Variants in GPR158 observed in about 807,000 individuals in gnomAD.
GPR158 encodes the protein metabotropic glycine receptor.
Under a neutral mutation model 78.2 loss-of-function variants are expected in GPR158, and 30 were observed. The observed-to-expected ratio is 0.38, with a 90% confidence interval of 0.29 to 0.52. The LOEUF is 0.52. Among genes scored for constraint, GPR158 ranks in the 20% least tolerant of loss-of-function variants. GPR158 has a pLI of 0.83. For missense variants in GPR158, 1,463 were observed against 1,523.5 expected (o/e 0.96, Z 0.66); for synonymous variants, 581 against 591.1 (o/e 0.98, Z 0.25).
chr10:25,517,109 A>T (rs1445273074), intron 5 of GPR158, among the ~76,000 whole-genome samples: 1 of 148,478 alleles, frequency 6.7e-6, no homozygotes, highest in Admixed American at 6.6e-5. Flanking sequence ...TTGGATTCCT[A>T]GGTATTTTAT....
intron 5 of GPR158, among the ~76,000 whole-genome samples, chr10:25,492,605 A>G (rs944247161): frequency 3.9e-5 from 6 of 152,264 alleles, no homozygotes; most frequent in African/African-American, 1.4e-4. Flanking sequence ...GGATCAAAAC[A>G]TTACAGAATT....
At chr10:25,456,515 A>G (rs1835293555) in intron 4 of GPR158, among the ~76,000 whole-genome samples, 1 of 152,208 alleles carries the variant, frequency 6.6e-6, no homozygotes, top group Non-Finnish European at 1.5e-5. Context: ...CTGAGGCATT[A>G]CTGATGAGTT....
chr10:25,196,367 CT>C (rs1386834423), intron 1 of GPR158, among the ~76,000 whole-genome samples: 5 of 151,888 alleles, frequency 3.3e-5, no homozygotes, highest in African/African-American at 9.7e-5. Context: ...TGTTCATTTT[CT>C]TAAATCTCTT....
At chr10:25,484,598 G>A (rs957848513) in intron 5 of GPR158, among the ~76,000 whole-genome samples, 2 of 152,156 alleles carry the variant, frequency 1.3e-5, no homozygotes, top group Non-Finnish European at 2.9e-5. Flanking sequence ...AGTTTGAGTC[G>A]AAAGATAAGA....
chr10:25,450,251 A>G (rs1835196139), intron 4 of GPR158, among the ~76,000 whole-genome samples: 1 of 151,986 alleles, frequency 6.6e-6, no homozygotes, highest in African/African-American at 2.4e-5. Flanking sequence ...AAACATGACC[A>G]GGTTGACAGA....
chr10:25,505,140 C>T (rs142450588), intron 5 of GPR158, among the ~76,000 whole-genome samples: 91 of 152,262 alleles, frequency 6.0e-4, no homozygotes, highest in Admixed American at 1.6e-3. Context: ...ATTGTATAAA[C>T]ATTAGCTCTT....
At chr10:25,540,939 AATAAAAATATATATATATAT>A (rs1412561477) in intron 5 of GPR158, among the ~76,000 whole-genome samples, 2 of 84,528 alleles carry the variant, frequency 2.4e-5, no homozygotes, top group Non-Finnish European at 4.5e-5. Flanking sequence ...CTTAAAGTAT[AATAAAAATATATATATATAT>A]ATATATATAT....
chr10:25,365,935 A>G (rs961928851), intron 2 of GPR158, among the ~76,000 whole-genome samples: 1 of 151,712 alleles, frequency 6.6e-6, no homozygotes, highest in Non-Finnish European at 1.5e-5. Flanking sequence ...AACACTGTAT[A>G]TTACAGTTTT....
At position 25,359,212 on chromosome 10, in the gene GPR158, CA is replaced by C. The variant is rs1855595641; in HGVS notation, c.1009-36698del. Among the ~76,000 whole-genome samples, 3 of 152,090 alleles carry C rather than the reference CA, an allele frequency of 2.0e-5. No individual in the cohort carries two copies. In the South Asian group the frequency reaches 6.2e-4, roughly 32 times the overall value. On this transcript the variant is annotated intron_variant, in intron 2 of 10. Coordinates refer to ENST00000376351, the MANE Select transcript of GPR158 (RefSeq NM_020752.3). ...GATTGACCATTTTGTGACACATACACACACATATATATTTATAGTAAAAATA... is the reference window on the plus strand; with the variant it reads ...GATTGACCATTTTGTGACACATACACCACATATATATTTATAGTAAAAATA...
rs528000070 is a variant in GPR158, at chr10:25,187,098, A to C, written c.902+10776A>C. 4.6e-5 allele frequency among the ~76,000 whole-genome samples: 7 copies of C among 151,046 alleles called. No individual in the cohort carries two copies. In the East Asian group the frequency reaches 1.4e-3, roughly 30 times the overall value. On this transcript the variant is annotated intron_variant, in intron 1 of 10. Coordinates refer to ENST00000376351, the MANE Select transcript of GPR158 (RefSeq NM_020752.3). ...TCCTGCCTCAGCCTCCCGAGTATCT[A>C]GGACTACAGGCGCCCGCCATCACGC... is the stretch of plus-strand genomic sequence containing the variant.
At chr10:25,347,531 A>T (rs2130514294) in intron 2 of GPR158, among the ~76,000 whole-genome samples, 1 of 152,152 alleles carries the variant, frequency 6.6e-6, no homozygotes, top group Admixed American at 6.6e-5. Context: ...GTCTAACATC[A>T]TCATTATACA....
chr10:25,577,667 T>TAAC (rs983168899), intron 7 of GPR158, among the ~76,000 whole-genome samples: 3 of 152,182 alleles, frequency 2.0e-5, no homozygotes, highest in Non-Finnish European at 2.9e-5. Context: ...ATGATTTTCC[T>TAAC]AACACAAGTG....
At chr10:25,367,394 C>T (rs1855739294) in intron 2 of GPR158, among the ~76,000 whole-genome samples, 1 of 151,618 alleles carries the variant, frequency 6.6e-6, no homozygotes, top group South Asian at 2.1e-4. Flanking sequence ...TGTTGCCTTA[C>T]AAAAAGTTTC....
intron 7 of GPR158, among the ~76,000 whole-genome samples, chr10:25,585,093 A>G (rs571880678): frequency 1.3e-5 from 2 of 152,312 alleles, no homozygotes; most frequent in South Asian, 2.1e-4. Flanking sequence ...TTCACAATTA[A>G]TCAGTTACAA....
chr10:25,334,405 C>T (rs1239798350), intron 2 of GPR158, among the ~76,000 whole-genome samples: 2 of 151,514 alleles, frequency 1.3e-5, no homozygotes, highest in East Asian at 1.9e-4. Flanking sequence ...CATTTTTGTC[C>T]TGCTGGAAAC....
intron 4 of GPR158, among the ~76,000 whole-genome samples, chr10:25,415,287 C>T (rs1834644483): frequency 1.3e-5 from 2 of 151,788 alleles, no homozygotes; most frequent in Non-Finnish European, 2.9e-5. Flanking sequence ...GAATAGTATC[C>T]AGAATATATA....
rs145010690 is a variant in GPR158 at position 25,257,541 on chromosome 10, G to GAGA, written c.1008+36387_1008+36389dup. On this transcript the variant is annotated intron_variant, in intron 2 of 10. Transcript: ENST00000376351. The stretch of plus-strand genomic sequence containing the variant: ...TACACTTGATCTTAGCCAAAAGACT[G>GAGA]AGAAGCAATCTGCTCTATTTTCTAA... Among the ~76,000 whole-genome samples the GAGA allele has an allele frequency of 6.3e-3, 963 of 152,284 alleles. 32 individuals are homozygous for GAGA. The highest frequency in any genetic ancestry group is 0.033 in the East Asian group (173 of 5,180).
chr10:25,534,469 T>C (rs1034856779), intron 5 of GPR158, among the ~76,000 whole-genome samples: 6 of 151,728 alleles, frequency 4.0e-5, no homozygotes, highest in Non-Finnish European at 7.4e-5. Flanking sequence ...AAACCCCGTC[T>C]GTACTAAAAA....
chr10:25,397,906 T>G (rs1437841964), intron 3 of GPR158, among the ~76,000 whole-genome samples: 2 of 152,192 alleles, frequency 1.3e-5, no homozygotes, highest in Non-Finnish European at 2.9e-5. Flanking sequence ...CATAGCAGAC[T>G]GGAAGGAGAG....
Sources: gnomAD v4.1 joint callset for allele counts (sites outside exome capture counted in the v4.1 genomes callset) on GRCh38, gnomAD v4.1.1 for gene constraint, MANE v1.5 for transcripts, NCBI Gene and HGNC (gene_info 2026-07-23, HGNC 2026-07-21) for gene names.